Variants in ZBTB20 observed in about 807,000 individuals in gnomAD.
The protein encoded by ZBTB20 is zinc finger and BTB domain containing 20, also known as zinc finger and BTB domain-containing protein 20.
ZBTB20 carries 9 observed loss-of-function variants against 56.9 expected under a neutral mutation model. The observed-to-expected ratio is 0.16, with a 90% CI of 0.10 to 0.28. The LOEUF is 0.28. Ranked by LOEUF, ZBTB20 falls within the 10% of genes least tolerant of loss-of-function variation. The probability of loss-of-function intolerance (pLI) is 1.00; values close to 1 mark genes in which losing one functional copy is unlikely to be tolerated. For missense variants in ZBTB20, 655 were observed against 1,003.0 expected (o/e 0.65, Z 4.69); for synonymous variants, 417 against 420.7 (o/e 0.99, Z 0.11).
intron 10 of ZBTB20, among the ~76,000 whole-genome samples, chr3:114,355,170 C>T (rs920416049): frequency 3.3e-5 from 5 of 152,178 alleles, no homozygotes; most frequent in Non-Finnish European, 7.3e-5. Context: ...TAATCACACA[C>T]ACACACACAA....
chr3:114,754,532 C>T (rs1224811822), intron 5 of ZBTB20, among the ~76,000 whole-genome samples: 1 of 152,066 alleles, frequency 6.6e-6, no homozygotes, highest in African/African-American at 2.4e-5. Context: ...CATATGGAAC[C>T]TTGAGTTTTA....
intron 5 of ZBTB20, among the ~76,000 whole-genome samples, chr3:114,784,700 G>A (rs1020472415): frequency 2.0e-5 from 3 of 152,148 alleles, no homozygotes; most frequent in Admixed American, 2.0e-4. Flanking sequence ...AAAGAAGGAT[G>A]AATAAACCAT....
intron 10 of ZBTB20, among the ~76,000 whole-genome samples, chr3:114,370,523 C>T (rs2082882680): frequency 6.6e-6 from 1 of 152,170 alleles, no homozygotes; most frequent in African/African-American, 2.4e-5. Context: ...CTGCACTATC[C>T]TGGTTTTTCT....
intron 7 of ZBTB20, among the ~76,000 whole-genome samples, chr3:114,413,535 C>T (rs1321441324): frequency 6.6e-6 from 1 of 152,120 alleles, no homozygotes; most frequent in African/African-American, 2.4e-5. Context: ...TAACAGTTTC[C>T]TGTCCCTGTG....
intron 3 of ZBTB20, among the ~76,000 whole-genome samples, chr3:114,922,916 G>C (rs2076014858): frequency 6.6e-6 from 1 of 152,076 alleles, no homozygotes; most frequent in Admixed American, 6.6e-5. Context: ...CTAACATTGG[G>C]ATCAAATTTC....
At chr3:115,112,570 C>T (rs1490451819) in intron 1 of ZBTB20, among the ~76,000 whole-genome samples, 1 of 152,170 alleles carries the variant, frequency 6.6e-6, no homozygotes, top group African/African-American at 2.4e-5. Flanking sequence ...TATTTCTGTG[C>T]TTGGCTTATT....
intron 6 of ZBTB20, among the ~76,000 whole-genome samples, chr3:114,685,276 C>T (rs558949113): frequency 2.6e-5 from 4 of 152,294 alleles, no homozygotes; most frequent in African/African-American, 9.6e-5. Flanking sequence ...GTTCACCGCT[C>T]TGGAGGTTCT....
At chr3:114,858,437 G>A (rs552445859) in intron 4 of ZBTB20, among the ~76,000 whole-genome samples, 1 of 152,188 alleles carries the variant, frequency 6.6e-6, no homozygotes, top group East Asian at 1.9e-4. Flanking sequence ...AAGAGAACAT[G>A]ATTGTCGAAA....
intron 1 of ZBTB20, among the ~76,000 whole-genome samples, chr3:115,082,835 C>T (rs1166478895): frequency 2.0e-5 from 3 of 152,020 alleles, no homozygotes; most frequent in Admixed American, 6.6e-5. Context: ...TACATGCACA[C>T]ACATGCACAA....
chr3:115,090,618 TG>T (rs2083154751), intron 1 of ZBTB20, among the ~76,000 whole-genome samples: 1 of 151,880 alleles, frequency 6.6e-6, no homozygotes, highest in South Asian at 2.1e-4. Context: ...TAAATTTGTG[TG>T]TTTTGCTTTG....
chr3:114,479,728 T>C (rs1329586610), intron 7 of ZBTB20, among the ~76,000 whole-genome samples: 2 of 152,234 alleles, frequency 1.3e-5, no homozygotes, highest in Non-Finnish European at 2.9e-5. Flanking sequence ...ACATAATTTG[T>C]TTTGTTTTGA....
intron 1 of ZBTB20, among the ~76,000 whole-genome samples, chr3:115,106,756 C>G (rs1262613970): frequency 1.3e-5 from 2 of 152,152 alleles, no homozygotes; most frequent in African/African-American, 2.4e-5. Context: ...TTATATGCCT[C>G]TCTCCCTACA....
chr3:114,607,194 C>T (rs2057231514), intron 6 of ZBTB20, among the ~76,000 whole-genome samples: 1 of 151,808 alleles, frequency 6.6e-6, no homozygotes, highest in South Asian at 2.1e-4. Flanking sequence ...TTATAATTCA[C>T]AATATGCAAT....
At chr3:114,701,025 AG>A (rs1459073500) in intron 5 of ZBTB20, among the ~76,000 whole-genome samples, 1 of 152,192 alleles carries the variant, frequency 6.6e-6, no homozygotes, top group African/African-American at 2.4e-5. Flanking sequence ...TCCCCTACAA[AG>A]GGTAGTTAAT....
At chr3:114,485,897 A>G (rs1427982342) in intron 7 of ZBTB20, among the ~76,000 whole-genome samples, 1 of 152,126 alleles carries the variant, frequency 6.6e-6, no homozygotes, top group Non-Finnish European at 1.5e-5. Flanking sequence ...TCTGTTGTTT[A>G]TAAATTACCC....
intron 3 of ZBTB20, among the ~76,000 whole-genome samples, chr3:114,927,768 A>G (rs2076210531): frequency 6.6e-6 from 1 of 152,238 alleles, no homozygotes; most frequent in Non-Finnish European, 1.5e-5. Flanking sequence ...CACCTTATAG[A>G]TAAAAATATA....
chr3:114,786,783 GTATTGACAAGGA>G (rs1185084203), intron 5 of ZBTB20, among the ~76,000 whole-genome samples: 1 of 151,866 alleles, frequency 6.6e-6, no homozygotes, highest in African/African-American at 2.4e-5. Context: ...CTAATATCAA[GTATTGACAAGGA>G]TATTGACAAG....
intron 3 of ZBTB20, among the ~76,000 whole-genome samples, chr3:114,959,955 C>T (rs1439790090): frequency 1.3e-5 from 2 of 152,244 alleles, no homozygotes; most frequent in East Asian, 3.9e-4. Context: ...TCACAAAGTA[C>T]TGAAAGATTG....
intron 2 of ZBTB20, among the ~76,000 whole-genome samples, chr3:114,991,093 G>T (rs1244882065): frequency 1.3e-5 from 2 of 152,016 alleles, no homozygotes; most frequent in Non-Finnish European, 2.9e-5. Context: ...GGTTTTTTGT[G>T]TCTCTATCTC....
Sources: gnomAD v4.1 joint callset for allele counts (sites outside exome capture counted in the v4.1 genomes callset) on GRCh38, gnomAD v4.1.1 for gene constraint, MANE v1.5 for transcripts, NCBI Gene and HGNC (gene_info 2026-07-23, HGNC 2026-07-21) for gene names.